Variants in PHACTR1 observed in about 807,000 individuals in gnomAD.
The protein encoded by PHACTR1 is phosphatase and actin regulator 1.
In PHACTR1, 16 loss-of-function variants were observed where a neutral mutation model predicts 69.2. The observed-to-expected ratio is 0.23, with a 90% CI of 0.16 to 0.35. The LOEUF (loss-of-function observed/expected upper bound fraction) is 0.35. PHACTR1 is among the 10% of genes least tolerant of loss of function. The pLI is 1.00. For synonymous variants in PHACTR1, 312 were observed against 284.5 expected, an observed-to-expected ratio of 1.10 and a Z score of -0.97; for missense variants, 510 against 734.7, an observed-to-expected ratio of 0.69 and a Z score of 3.54.
intron 4 of PHACTR1, among the ~76,000 whole-genome samples, chr6:12,931,664 C>G (rs575970822): frequency 6.6e-6 from 1 of 151,838 alleles, no homozygotes; most frequent in African/African-American, 2.4e-5. Context: ...AATTAAACAG[C>G]GGTGATAGTC....
At chr6:13,046,551 C>G (rs1239163561) in intron 4 of PHACTR1, among the ~76,000 whole-genome samples, 2 of 152,092 alleles carry the variant, frequency 1.3e-5, no homozygotes, top group Non-Finnish European at 2.9e-5. Flanking sequence ...CATGAGTACT[C>G]TCTCAGGCAT....
At chr6:13,182,826 T>C in intron 7 of PHACTR1, 140 bp downstream of exon 7, 1 of 733,104 alleles carries the variant, frequency 1.4e-6, no homozygotes, top group Non-Finnish European at 2.0e-6. Context: ...TGAAACAGAT[T>C]AGTTTTTAGT....
At chr6:12,820,774 T>G (rs1008445494) in intron 4 of PHACTR1, among the ~76,000 whole-genome samples, 2 of 152,196 alleles carry the variant, frequency 1.3e-5, no homozygotes. Context: ...CTTAACATAT[T>G]CAAGTGTACC....
intron 5 of PHACTR1, among the ~76,000 whole-genome samples, chr6:13,066,094 A>G (rs896790888): frequency 6.6e-6 from 1 of 152,330 alleles, no homozygotes; most frequent in Admixed American, 6.5e-5. Flanking sequence ...AAAATCTCTA[A>G]CAGGTACAGA....
chr6:12,777,223 A>G (rs867027324), intron 4 of PHACTR1, among the ~76,000 whole-genome samples: 1 of 141,846 alleles, frequency 7.0e-6, no homozygotes, highest in Non-Finnish European at 1.5e-5. Flanking sequence ...CTACGGTTTT[A>G]TATATATATA....
At chr6:12,753,798 A>G (rs1343652937) in intron 4 of PHACTR1, among the ~76,000 whole-genome samples, 2 of 151,976 alleles carry the variant, frequency 1.3e-5, no homozygotes, top group Non-Finnish European at 2.9e-5. Flanking sequence ...GGGTCTACAA[A>G]AAGAAGTTAT....
chr6:13,268,782 C>A (rs1293826098), intron 10 of PHACTR1, among the ~76,000 whole-genome samples: 1 of 152,242 alleles, frequency 6.6e-6, no homozygotes, highest in Non-Finnish European at 1.5e-5. Context: ...AAACAACTAA[C>A]TATAGCACAG....
At chr6:12,979,254 C>G (rs1182998805) in intron 4 of PHACTR1, among the ~76,000 whole-genome samples, 1 of 152,154 alleles carries the variant, frequency 6.6e-6, no homozygotes, top group African/African-American at 2.4e-5. Flanking sequence ...TTACCTGGCC[C>G]CTTATTCTTC....
At chr6:13,195,319 C>T (rs547982822) in intron 7 of PHACTR1, among the ~76,000 whole-genome samples, 33 of 152,082 alleles carry the variant, frequency 2.2e-4, no homozygotes, top group Non-Finnish European at 4.3e-4. Flanking sequence ...TAAGTAATTC[C>T]AACTCACTGC....
chr6:12,964,675 T>C (rs1276722386), intron 4 of PHACTR1, among the ~76,000 whole-genome samples: 1 of 151,770 alleles, frequency 6.6e-6, no homozygotes, highest in Non-Finnish European at 1.5e-5. Flanking sequence ...TTAGGTGGAG[T>C]GAATGGAAGT....
intron 4 of PHACTR1, among the ~76,000 whole-genome samples, chr6:13,019,074 A>AT (rs56281010): frequency 5.8e-4 from 83 of 143,658 alleles, no homozygotes; most frequent in African/African-American, 2.1e-3. Context: ...ATATATATAT[A>AT]TTTTTTCTTT....
At chr6:12,818,690 T>TA (rs1053865087) in intron 4 of PHACTR1, among the ~76,000 whole-genome samples, 1 of 152,234 alleles carries the variant, frequency 6.6e-6, no homozygotes, top group Admixed American at 6.5e-5. Flanking sequence ...TTTGTTCCAA[T>TA]AAAAAAATCA....
At chr6:12,919,035 C>T (rs1467002730) in intron 4 of PHACTR1, among the ~76,000 whole-genome samples, 1 of 152,054 alleles carries the variant, frequency 6.6e-6, no homozygotes, top group Non-Finnish European at 1.5e-5. Flanking sequence ...GCCATGTTGC[C>T]CAGGCTGGTC....
At chr6:13,021,249 C>G (rs1301335183) in intron 4 of PHACTR1, among the ~76,000 whole-genome samples, 1 of 152,194 alleles carries the variant, frequency 6.6e-6, no homozygotes. Flanking sequence ...ATAAATGGAA[C>G]CATGCAATAT....
At chr6:13,059,530 T>C (rs1807373926) in intron 5 of PHACTR1, among the ~76,000 whole-genome samples, 1 of 150,978 alleles carries the variant, frequency 6.6e-6, no homozygotes. Flanking sequence ...CTTTTGAAGG[T>C]GATGGATGTG....
chr6:12,852,581 A>T (rs1288769990), intron 4 of PHACTR1, among the ~76,000 whole-genome samples: 1 of 152,096 alleles, frequency 6.6e-6, no homozygotes, highest in Non-Finnish European at 1.5e-5. Context: ...CTTTATATTT[A>T]TATTTATATT....
At chr6:12,956,764 G>A (rs1472676529) in intron 4 of PHACTR1, among the ~76,000 whole-genome samples, 1 of 152,090 alleles carries the variant, frequency 6.6e-6, no homozygotes, top group Non-Finnish European at 1.5e-5. Flanking sequence ...GGTTTTATTT[G>A]CACATGTTTT....
At chr6:12,767,479 G>T (rs1007641990) in intron 4 of PHACTR1, among the ~76,000 whole-genome samples, 9 of 152,168 alleles carry the variant, frequency 5.9e-5, no homozygotes, top group African/African-American at 2.2e-4. Context: ...CCAAATAGTT[G>T]CTAACTTAGA....
At chr6:13,202,481 CTTTTTTTTT>C (rs1164105884) in intron 7 of PHACTR1, among the ~76,000 whole-genome samples, 4 of 129,966 alleles carry the variant, frequency 3.1e-5, no homozygotes, top group African/African-American at 5.7e-5. Context: ...TGCACTGAAG[CTTTTTTTTT>C]TTTTTTTTTG....
Sources: allele counts gnomAD v4.1 joint callset (sites outside exome capture counted in the v4.1 genomes callset), GRCh38; gene constraint gnomAD v4.1.1; transcripts MANE v1.5; gene names NCBI Gene and HGNC (gene_info 2026-07-23, HGNC 2026-07-21).